ABHD2: variants seen among roughly 807,000 people sequenced by gnomAD.
The protein encoded by ABHD2 is abhydrolase domain containing 2, acylglycerol lipase, also known as monoacylglycerol lipase ABHD2.
In ABHD2, 20 loss-of-function variants were observed where a neutral mutation model predicts 48.1. The ratio of observed to expected loss-of-function variants is 0.42; its 90% CI spans 0.29 to 0.60. ABHD2 has a LOEUF of 0.60. ABHD2 is among the 20% of genes least tolerant of loss of function. The pLI, the probability that ABHD2 is intolerant of heterozygous loss-of-function variation, is 0.24. For synonymous variants in ABHD2, 209 were observed against 214.2 expected (o/e 0.98, Z 0.21); for missense variants, 405 against 550.9 (o/e 0.74, Z 2.65).
At chr15:89,099,008 C>T (rs950668943) in intron 1 of ABHD2, among the ~76,000 whole-genome samples, 1 of 152,196 alleles carries the variant, frequency 6.6e-6, no homozygotes, top group African/African-American at 2.4e-5. Flanking sequence ...TGCCTTGCTT[C>T]TCTGTATTCC....
chr15:89,128,581 C>A lies in ABHD2; in HGVS notation c.194+12060C>A, dbSNP rs190679467. On this transcript the variant is annotated intron_variant, in intron 3 of 10. Coordinates refer to ENST00000352732, the MANE Select transcript of ABHD2 (RefSeq NM_152924.5). The stretch of plus-strand genomic sequence containing the variant: ...CTCTCTTGTAACTCCCAAAAATGAT[C>A]TTGGTGCTGCTTGCATCATGTTTGG... Among the ~76,000 whole-genome samples the A allele has an allele frequency of 1.1e-3, 170 of 152,308 alleles. 2 individuals are homozygous for A. The highest frequency in any genetic ancestry group is 3.8e-3 in the African/African-American group (156 of 41,570).
At chr15:89,125,442 T>C (rs1454512653) in intron 3 of ABHD2, among the ~76,000 whole-genome samples, 1 of 152,196 alleles carries the variant, frequency 6.6e-6, no homozygotes, top group African/African-American at 2.4e-5. Context: ...ATCATCTTGA[T>C]TGAGGCTAAA....
At position 89,185,358 on chromosome 15, in the gene ABHD2, C is replaced by G. The variant is rs1166375321; in HGVS notation, c.723-66C>G. On this transcript the variant is annotated intron_variant, in intron 6 of 10. Coordinates refer to ENST00000352732, the MANE Select transcript of ABHD2 (RefSeq NM_152924.5). This position sits in a 1 kb window ranked among gnomAD's most constrained non-coding sequence, Gnocchi z 5.9. The stretch of plus-strand genomic sequence containing the variant: ...CAAGCACCTCACCCCATGGCTAGAG[C>G]CCCCTCCTGGCTGCCCGCCTGCACC... 29 of 1,308,438 alleles carry G rather than the reference C, an allele frequency of 2.2e-5. No homozygotes were observed. Among genetic ancestry groups the G allele is most frequent in the Non-Finnish European group, 3.0e-5 (27 of 908,624 alleles). 81.1% of individuals were successfully genotyped at this position (1,308,438 alleles called of 1,614,324 possible).
At chr15:89,136,448 A>G (rs1276092601) in intron 3 of ABHD2, 8 of 476,310 alleles carry the variant, frequency 1.7e-5, no homozygotes, top group Non-Finnish European at 3.3e-5. Context: ...CAAAAAATGC[A>G]TATGATGGCA....
chr15:89,044,950 T>G, the ABHD2 span, among the ~76,000 whole-genome samples: 2 of 150,782 alleles, frequency 1.3e-5, no homozygotes, highest in Non-Finnish European at 3.0e-5. Flanking sequence ...TGCCATTGCT[T>G]TTGGTGTTTT....
rs2050729361 is a variant in ABHD2 at position 89,159,470 on chromosome 15, C to G, written c.538+3936C>G. ...GCAGCATGGAGAAACCAGCCTCGATCTATGGGCGAGGAGTCAAGTTGTGGG... is the reference window on the plus strand; with the variant it reads ...GCAGCATGGAGAAACCAGCCTCGATGTATGGGCGAGGAGTCAAGTTGTGGG... On this transcript the variant is annotated intron_variant, in intron 5 of 10. Coordinates refer to ENST00000352732, the MANE Select transcript of ABHD2 (RefSeq NM_152924.5). 2.0e-5 allele frequency among the ~76,000 whole-genome samples: 3 copies of G among 152,312 alleles called. 1 individual carries two copies. Among genetic ancestry groups the G allele is most frequent in the Admixed American group, 6.5e-5 (1 of 15,308 alleles).
rs2050999081 is a variant in ABHD2, at chr15:89,175,636, GAGC to G, written c.539-173_539-171del. ...GGGAACTTCTGTCTGGATAGCCAAA[GAGC>G]AGTGTCTGTCTCTCTCTCCACACAC... On this transcript the variant is annotated intron_variant, in intron 5 of 10. Coordinates refer to ENST00000352732, the MANE Select transcript of ABHD2 (RefSeq NM_152924.5). This position sits in a 1 kb window ranked among gnomAD's most constrained non-coding sequence, Gnocchi z 5.7. Among the ~76,000 whole-genome samples the G allele has an allele frequency of 6.6e-6, 1 of 152,092 alleles. No individual in the cohort carries two copies. The highest frequency in any genetic ancestry group is 1.5e-5 in the Non-Finnish European group (1 of 68,020).
chr15:89,127,724 T>TATATATATATATATATATATAC (rs1567080086), intron 3 of ABHD2, among the ~76,000 whole-genome samples: 17 of 70,724 alleles, frequency 2.4e-4, no homozygotes, highest in African/African-American at 7.7e-4. Flanking sequence ...TATATACACA[T>TATATATATATATATATATATAC]ATATATATAT....
chr15:89,149,640 T>C (rs1472905762), intron 3 of ABHD2, among the ~76,000 whole-genome samples: 1 of 152,090 alleles, frequency 6.6e-6, no homozygotes, highest in Non-Finnish European at 1.5e-5. Context: ...GAAAGACAAG[T>C]AGTAGGTGGC....
Position 89,167,516 on chromosome 15 carries a change from A to G in ABHD2, c.539-8296A>G. Among the ~76,000 whole-genome samples the G allele has an allele frequency of 6.6e-6, 1 of 152,350 alleles. No individual in the cohort carries two copies. The highest frequency in any genetic ancestry group is 1.5e-5 in the Non-Finnish European group (1 of 68,028). On this transcript the variant is annotated intron_variant, in intron 5 of 10. Transcript: ENST00000352732. This position sits in a 1 kb window ranked among gnomAD's most constrained non-coding sequence, Gnocchi z 5.5. ...TCATATCCAAAGCAGAACAGTGGCC[A>G]AGAGTGGTGAGTTCTGCACTTTCAG...
chr15:89,161,223 C>T (rs904815769), intron 5 of ABHD2, among the ~76,000 whole-genome samples: 14 of 152,052 alleles, frequency 9.2e-5, no homozygotes, highest in African/African-American at 3.4e-4. Flanking sequence ...TTTATTTTTG[C>T]TTTTTTACTT....
At chr15:89,128,558 C>T (rs1339074857) in intron 3 of ABHD2, among the ~76,000 whole-genome samples, 1 of 152,196 alleles carries the variant, frequency 6.6e-6, no homozygotes, top group African/African-American at 2.4e-5. Flanking sequence ...TTGATTGTCT[C>T]TCTTGTAACT....
chr15:89,149,481 G>T (rs1298387018), intron 3 of ABHD2, among the ~76,000 whole-genome samples: 1 of 152,156 alleles, frequency 6.6e-6, no homozygotes, highest in African/African-American at 2.4e-5. Flanking sequence ...TATGTCCAGT[G>T]CTCTGGGGAT....
In ABHD2 at chr15:89,193,719, A is replaced by G. The variant is rs111997150; in HGVS notation, c.1081+400A>G. Among the ~76,000 whole-genome samples, 1,049 of 152,204 alleles carry G rather than the reference A, an allele frequency of 6.9e-3. 7 individuals are homozygous for G. Among genetic ancestry groups the G allele is most frequent in the African/African-American group, 0.023 (973 of 41,526 alleles). On this transcript the variant is annotated intron_variant, in intron 10 of 10. Transcript: ENST00000352732. ...AATCCTAGCACTTTGTGAGGCTGCA[A>G]TGGGAGGATCGCTTGAGGCCAGGAG...
the ABHD2 span, among the ~76,000 whole-genome samples, chr15:89,047,407 T>C: frequency 3.4e-4 from 52 of 152,272 alleles, no homozygotes; most frequent in East Asian, 4.0e-3. Context: ...TAGATATCTA[T>C]TAGGTCCAGT....
chr15:89,135,852 A>G, intron 3 of ABHD2: 1 of 728,932 alleles, frequency 1.4e-6, no homozygotes, highest in Non-Finnish European at 2.5e-6. Context: ...GATACTCAGA[A>G]CAGAACAGAA....
At chr15:89,145,965 C>G (rs994075660) in intron 3 of ABHD2, among the ~76,000 whole-genome samples, 1 of 152,274 alleles carries the variant, frequency 6.6e-6, no homozygotes, top group South Asian at 2.1e-4. Context: ...TTGCTTTAAG[C>G]AATGCATCCT....
the ABHD2 span, among the ~76,000 whole-genome samples, chr15:89,065,251 C>T: frequency 1.3e-5 from 2 of 152,116 alleles, no homozygotes; most frequent in Admixed American, 6.5e-5. Flanking sequence ...TTAGAATACC[C>T]CTCCACCTCT....
the ABHD2 span, among the ~76,000 whole-genome samples, chr15:89,059,723 G>A: frequency 6.6e-6 from 1 of 152,186 alleles, no homozygotes; most frequent in African/African-American, 2.4e-5. Flanking sequence ...TTAGGTAGGA[G>A]GGCAGGCTGC....
Sources: gnomAD v4.1 joint callset for allele counts (sites outside exome capture counted in the v4.1 genomes callset) on GRCh38, gnomAD v4.1.1 for gene constraint, Gnocchi (gnomAD v3.1) non-coding constraint, MANE v1.5 for transcripts, NCBI Gene and HGNC (gene_info 2026-07-23, HGNC 2026-07-21) for gene names.